ADD2: variants seen among roughly 807,000 people sequenced by gnomAD.
The protein encoded by ADD2 is beta-adducin.
ADD2 carries 23 observed loss-of-function variants against 83.0 expected under a neutral mutation model. The observed-to-expected ratio is 0.28, with a 90% CI of 0.20 to 0.39. The LOEUF (loss-of-function observed/expected upper bound fraction) is 0.39. Among genes scored for constraint, ADD2 ranks in the 10% least tolerant of loss-of-function variants. The pLI is 1.00. For synonymous variants in ADD2, 375 were observed against 375.4 expected (o/e 1.00, Z 0.01); for missense variants, 758 against 944.9 (o/e 0.80, Z 2.59).
At chr2:70,673,987 CAGTCT>C (rs1459624808) in intron 14 of ADD2, among the ~76,000 whole-genome samples, 1 of 152,176 alleles carries the variant, frequency 6.6e-6, no homozygotes, top group Non-Finnish European at 1.5e-5. Flanking sequence ...GAGGGAGTGT[CAGTCT>C]AGCCCAGTGG....
chr2:70,706,452 A>C lies in ADD2; in HGVS notation c.-34-10T>G, dbSNP rs370859955. ...ATTCGCTCCTGGAACTCTACAGAGA[A>C]GGGGAGAGGGTATGCGGTCAGGTTG... On this transcript the variant is annotated splice_polypyrimidine_tract_variant and intron_variant, in intron 2 of 15. Coordinates refer to ENST00000264436, the MANE Select transcript of ADD2 (RefSeq NM_001617.4). This position sits in a 1 kb window ranked among gnomAD's most constrained non-coding sequence, Gnocchi z 5.0. 211 of 1,569,310 alleles carry C rather than the reference A, an allele frequency of 1.3e-4. No homozygotes were observed. In the African/African-American group the frequency reaches 2.6e-3, roughly 19 times the overall value.
chr2:70,673,436 C>A, intron 14 of ADD2: 1 of 781,596 alleles, frequency 1.3e-6, no homozygotes, highest in Non-Finnish European at 2.2e-6. Flanking sequence ...GCTGACTCCC[C>A]TTAAAAACAC....
At chr2:70,752,311 A>G (rs1674545848) in intron 1 of ADD2, among the ~76,000 whole-genome samples, 1 of 152,306 alleles carries the variant, frequency 6.6e-6, no homozygotes, top group South Asian at 2.1e-4. Context: ...AAGTTTATTC[A>G]TGTATTCCAT....
intron 1 of ADD2, among the ~76,000 whole-genome samples, chr2:70,747,962 T>C (rs1362041256): frequency 1.3e-5 from 2 of 152,222 alleles, no homozygotes; most frequent in African/African-American, 2.4e-5. Context: ...TATGAGGCTT[T>C]ATGTGACCTG....
intron 10 of ADD2, among the ~76,000 whole-genome samples, chr2:70,682,683 T>C (rs150583959): frequency 6.3e-4 from 96 of 152,350 alleles, no homozygotes; most frequent in African/African-American, 2.2e-3. Flanking sequence ...CCTCTTGTTC[T>C]TGAATTGTCA....
chr2:70,759,679 C>A (rs1038067314), intron 1 of ADD2, among the ~76,000 whole-genome samples: 1 of 152,176 alleles, frequency 6.6e-6, no homozygotes, highest in Admixed American at 6.5e-5. Flanking sequence ...TCTGCACACG[C>A]CAGCTCCCCT....
intron 1 of ADD2, among the ~76,000 whole-genome samples, chr2:70,735,624 GT>G (rs1553379953): frequency 2.6e-5 from 4 of 151,288 alleles, no homozygotes. Context: ...TTGTGCAAAT[GT>G]AAAACCTCAT....
At chr2:70,750,244 AC>A (rs1558578722) in intron 1 of ADD2, among the ~76,000 whole-genome samples, 1 of 152,160 alleles carries the variant, frequency 6.6e-6, no homozygotes, top group Non-Finnish European at 1.5e-5. Context: ...CTTTCTCTCA[AC>A]CAGGGAAACA....
At chr2:70,738,227 G>A (rs1673688706) in intron 1 of ADD2, among the ~76,000 whole-genome samples, 1 of 152,136 alleles carries the variant, frequency 6.6e-6, no homozygotes, top group African/African-American at 2.4e-5. Context: ...ATGCTGTCTG[G>A]CTAGTGATCC....
At chr2:70,667,426 C>T (rs936447873) in intron 15 of ADD2, among the ~76,000 whole-genome samples, 10 of 152,170 alleles carry the variant, frequency 6.6e-5, no homozygotes, top group Non-Finnish European at 1.5e-4. Flanking sequence ...GTGGGAGGCG[C>T]AGAGCTGGTT....
chr2:70,712,840 C>T (rs528942575), intron 2 of ADD2, among the ~76,000 whole-genome samples: 1 of 152,302 alleles, frequency 6.6e-6, no homozygotes, highest in African/African-American at 2.4e-5. Flanking sequence ...TGTAAAGGGG[C>T]TTCTGTCCTT....
chr2:70,745,530 G>A (rs868934089), intron 1 of ADD2, among the ~76,000 whole-genome samples: 121 of 152,294 alleles, frequency 7.9e-4, no homozygotes, highest in African/African-American at 2.7e-3. Flanking sequence ...CCTCTCTGAG[G>A]TTCACAGTGT....
At chr2:70,736,776 GTTT>G (rs201172481) in intron 1 of ADD2, among the ~76,000 whole-genome samples, 1 of 143,478 alleles carries the variant, frequency 7.0e-6, no homozygotes, top group African/African-American at 2.5e-5. Flanking sequence ...CTGTGTTGCT[GTTT>G]TTTTTTTTTT....
intron 1 of ADD2, among the ~76,000 whole-genome samples, chr2:70,767,167 G>C (rs1248277411): frequency 6.6e-6 from 1 of 152,186 alleles, no homozygotes; most frequent in Non-Finnish European, 1.5e-5. Flanking sequence ...CCGCCTCCGG[G>C]ACCGGGGATG....
At position 70,667,202 on chromosome 2, in the gene ADD2, A is replaced by G. The variant is rs560616605; in HGVS notation, c.1871-3467T>C. Among the ~76,000 whole-genome samples the G allele has an allele frequency of 4.0e-3, 606 of 151,384 alleles. 3 individuals carry two copies. Among genetic ancestry groups the G allele is most frequent in the Non-Finnish European group, 5.8e-3 (391 of 67,866 alleles). ...ACCTGGAGCTCTGGGAATAGGGGAT[A>G]TTGTGGGGGTGAGTAGAGTGGGGCA... is the stretch of plus-strand genomic sequence containing the variant. On this transcript the variant is annotated intron_variant, in intron 15 of 15. Coordinates refer to ENST00000264436, the MANE Select transcript of ADD2 (RefSeq NM_001617.4).
chr2:70,683,567 G>A (rs1670569316), intron 10 of ADD2, 24 bp downstream of exon 10: 3 of 1,599,466 alleles, frequency 1.9e-6, no homozygotes, highest in Non-Finnish European at 2.6e-6. Context: ...GACTGGCCTG[G>A]AAGGGCAATG....
chr2:70,761,936 T>G (rs889750837), intron 1 of ADD2, among the ~76,000 whole-genome samples: 40 of 151,824 alleles, frequency 2.6e-4, no homozygotes, highest in Admixed American at 1.5e-3. Context: ...CCTGAAGTGC[T>G]GGGATTACAG....
chr2:70,699,003 A>T (rs3771461), intron 4 of ADD2, among the ~76,000 whole-genome samples: 2 of 151,778 alleles, frequency 1.3e-5, no homozygotes, highest in Admixed American at 1.3e-4. Flanking sequence ...CGCATCCCTG[A>T]CTCAGATATC....
At chr2:70,740,989 C>G (rs139179576) in intron 1 of ADD2, among the ~76,000 whole-genome samples, 99 of 152,318 alleles carry the variant, frequency 6.5e-4, no homozygotes, top group African/African-American at 2.3e-3. Flanking sequence ...CATGAGCCAC[C>G]GTGCCCGGCC....
Sources: gnomAD v4.1 joint callset for allele counts (sites outside exome capture counted in the v4.1 genomes callset) on GRCh38, gnomAD v4.1.1 for gene constraint, Gnocchi (gnomAD v3.1) non-coding constraint, MANE v1.5 for transcripts, NCBI Gene and HGNC (gene_info 2026-07-23, HGNC 2026-07-21) for gene names.